The following ALB variants were observed in gnomAD, a reference collection of about 807,000 sequenced individuals.
ALB encodes serum albumin.
Under a neutral mutation model 74.5 loss-of-function variants are expected in ALB, and 37 were observed. That is an observed-to-expected ratio of 0.50 (90% CI 0.38 to 0.65). The LOEUF is 0.65. Ranked by LOEUF, ALB falls within the 30% of genes least tolerant of loss-of-function variation. The pLI is 0.00. For synonymous variants in ALB, 249 were observed against 251.6 expected (o/e 0.99, Z 0.10); for missense variants, 685 against 718.7 (o/e 0.95, Z 0.54).
intron 2 of ALB, among the ~76,000 whole-genome samples, 185 bp from the exon 3 acceptor site, chr4:73,406,444 T>C (rs1412841669): frequency 6.6e-6 from 1 of 152,218 alleles, no homozygotes; most frequent in Non-Finnish European, 1.5e-5. Context: ...TCTCTTTGCG[T>C]AGGAAGCCAC....
Position 73,418,213 on chromosome 4 carries a change from T to C in ALB, c.1554T>C (p.Asp518=). The C allele has an allele frequency of 1.2e-6, 2 of 1,614,178 alleles. No individual in the cohort carries two copies. Among genetic ancestry groups the C allele is most frequent in the Non-Finnish European group, 1.7e-6 (2 of 1,180,016 alleles). ...CATGCTTTTCAGCTCTGGAAGTCGA[T>C]GAAACATACGTTCCCAAAGAGTTTA... ...RRPCFSALEV[D]ETYVPKEFNA... The change falls in exon 12 of 15, where the codon GAT becomes GAC. Residue 518 remains aspartate, a synonymous_variant. Transcript: ENST00000295897.
At chr4:73,415,463 A>G in intron 9 of ALB, 1 of 334,164 alleles carries the variant, frequency 3.0e-6, no homozygotes, top group South Asian at 3.2e-5. Context: ...TGTTAATTAG[A>G]AGATATTTAA....
Position 73,413,669 on chromosome 4 carries a change from G to A in ALB, c.1058+35G>A, listed in dbSNP as rs1413755335. The A allele has an allele frequency of 5.6e-6, 9 of 1,600,314 alleles. No individual in the cohort carries two copies. In the African/African-American group the frequency reaches 1.1e-4, roughly 19 times the overall value. ...TAAGAAATTATTCTTTTATAGCTTT[G>A]GCATGACCTCACAACTTAGGAGGAT... On this transcript the variant is annotated intron_variant, in intron 8 of 14. Coordinates refer to ENST00000295897, the MANE Select transcript of ALB (RefSeq NM_000477.7).
chr4:73,420,428 C>A lies in ALB; in HGVS notation c.*23+107C>A, dbSNP rs1719115497. 7 of 682,662 alleles carry A rather than the reference C, an allele frequency of 1.0e-5. No homozygotes were observed. The South Asian group carries it at 1.3e-4, about 13-fold the overall frequency. 42.3% of individuals were successfully genotyped at this position (682,662 alleles called of 1,614,324 possible). On this transcript the variant is annotated intron_variant, in intron 14 of 14. Coordinates refer to ENST00000295897, the MANE Select transcript of ALB (RefSeq NM_000477.7). ...ATATAGACCAGCACCGACCACTATT[C>A]TAAACTATTTATGTATGTAAATATT...
chr4:73,419,642 A>C lies in ALB; in HGVS notation c.1785+3A>C. On this transcript the variant is annotated splice_donor_region_variant and intron_variant, in intron 13 of 14. Coordinates refer to ENST00000295897, the MANE Select transcript of ALB (RefSeq NM_000477.7). ...AGGAGACCTGCTTTGCCGAGGAGGTACTACAGTTCTCTTCATTTTAATATG... is the reference window on the plus strand; with the variant it reads ...AGGAGACCTGCTTTGCCGAGGAGGTCCTACAGTTCTCTTCATTTTAATATG... 6.2e-7 allele frequency: 1 copy of C among 1,613,972 alleles called. No individual in the cohort carries two copies. Among genetic ancestry groups the C allele is most frequent in the Non-Finnish European group, 8.5e-7 (1 of 1,179,882 alleles).
At chr4:73,415,856 A>T (rs1429150896) in intron 9 of ALB, among the ~76,000 whole-genome samples, 1 of 152,210 alleles carries the variant, frequency 6.6e-6, no homozygotes, top group Non-Finnish European at 1.5e-5. Flanking sequence ...TCATTTATTA[A>T]ACTTTTATTA....
chr4:73,413,778 A>C (rs1336717086), intron 8 of ALB, 144 bp downstream of exon 8: 3 of 777,136 alleles, frequency 3.9e-6, no homozygotes, highest in African/African-American at 1.7e-5. Flanking sequence ...GGCTTTAACA[A>C]TTTTTGAAAT....
At chr4:73,406,854 T>G (rs545416911) in intron 3 of ALB, 93 bp downstream of exon 3, 207 of 1,442,898 alleles carry the variant, frequency 1.4e-4, no homozygotes, top group Middle Eastern at 2.1e-4. Flanking sequence ...TCAATTATTA[T>G]TAAGTGTCCT....
intron 7 of ALB, 122 bp from the exon 8 acceptor site, chr4:73,413,298 A>G (rs1460452725): frequency 8.8e-6 from 8 of 913,820 alleles, no homozygotes; most frequent in Non-Finnish European, 8.7e-6. Context: ...GTATGTTCAT[A>G]GAAGGAATAT....
At position 73,420,925 on chromosome 4, in the gene ALB, G is replaced by T. The variant is rs369457781; in HGVS notation, c.*24-167G>T. 6.0e-4 allele frequency: 305 copies of T among 508,786 alleles called. 7 individuals are homozygous for T. The South Asian group carries it at 8.2e-3, about 14-fold the overall frequency. The allele number at this position is 508,786 out of a possible 1,614,324, so 31.5% of individuals were successfully genotyped here. On this transcript the variant is annotated intron_variant, in intron 14 of 14. Transcript: ENST00000295897. ...ATTTATTGGTGTGTCCCCTTGCCTAGCCCAACAGAAGAATTCAGCAGCCGT... is the reference window on the plus strand; with the variant it reads ...ATTTATTGGTGTGTCCCCTTGCCTATCCCAACAGAAGAATTCAGCAGCCGT...
intron 8 of ALB, 133 bp downstream of exon 8, chr4:73,413,767 A>G: frequency 1.2e-6 from 1 of 845,682 alleles, no homozygotes; most frequent in East Asian, 2.6e-5. Flanking sequence ...TCCCTTTCCC[A>G]GGCTTTAACA....
chr4:73,418,764 G>A (rs1286815168), intron 12 of ALB, among the ~76,000 whole-genome samples: 1 of 152,148 alleles, frequency 6.6e-6, no homozygotes, highest in African/African-American at 2.4e-5. Flanking sequence ...ATGTAGAAAT[G>A]CAAGCCCTGA....
chr4:73,405,101 T>A lies in ALB; in HGVS notation c.80-15T>A, dbSNP rs757112929. 26 of 1,612,382 alleles carry A rather than the reference T, an allele frequency of 1.6e-5. No homozygotes were observed. Among genetic ancestry groups the A allele is most frequent in the Middle Eastern group, 3.3e-4 (2 of 6,074 alleles). The stretch of plus-strand genomic sequence containing the variant: ...TTCAGTATTTAACAATCCTTTTTTT[T>A]CTTCCCTTGCCCAGACAAGAGTGAG... On this transcript the variant is annotated splice_polypyrimidine_tract_variant and intron_variant, in intron 1 of 14. Transcript: ENST00000295897.
chr4:73,410,838 A>T (rs1211907608), intron 6 of ALB, among the ~76,000 whole-genome samples: 1 of 152,208 alleles, frequency 6.6e-6, no homozygotes, highest in African/African-American at 2.4e-5. Flanking sequence ...ATATAAGTAT[A>T]CAACATATAT....
intron 7 of ALB, 105 bp from the exon 8 acceptor site, chr4:73,413,315 G>T: frequency 9.5e-7 from 1 of 1,052,536 alleles, no homozygotes; most frequent in Non-Finnish European, 1.5e-6. Context: ...ATATGTGTAT[G>T]GTCTTAGAAT....
At chr4:73,408,855 C>T in intron 4 of ALB, 50 bp downstream of exon 4, 1 of 1,466,434 alleles carries the variant, frequency 6.8e-7, no homozygotes. Flanking sequence ...TGGAGTAACT[C>T]CATAGGCCAA....
chr4:73,413,396 C>T, intron 7 of ALB, 24 bp from the exon 8 acceptor site: 1 of 1,594,922 alleles, frequency 6.3e-7, no homozygotes. Flanking sequence ...TCGTGTTGAA[C>T]AATTTCCACC....
At position 73,404,919 on chromosome 4, in the gene ALB, G is replaced by C. The variant is rs1015499048; in HGVS notation, c.80-197G>C. The C allele has an allele frequency of 8.2e-6, 5 of 608,360 alleles. No individual in the cohort carries two copies. The African/African-American group carries it at 9.3e-5, about 11-fold the overall frequency. The allele number at this position is 608,360 out of a possible 1,614,324, so 37.7% of individuals were successfully genotyped here. A position where few individuals can be genotyped will look rare whatever the true frequency, so the allele number is the denominator to read the frequency against. On this transcript the variant is annotated intron_variant, in intron 1 of 14. Coordinates refer to ENST00000295897, the MANE Select transcript of ALB (RefSeq NM_000477.7). ...TAATAATTTTTAAAATAGTATTCTTGGTAATTGAATTATTCTTCTGTTTAA... is the reference window on the plus strand; with the variant it reads ...TAATAATTTTTAAAATAGTATTCTTCGTAATTGAATTATTCTTCTGTTTAA...
In ALB at chr4:73,419,621, G is replaced by T. The variant is rs1377016643; in HGVS notation, c.1767G>T (p.Glu589Asp). 1.1e-5 allele frequency: 18 copies of T among 1,613,870 alleles called. No homozygotes were observed. Among genetic ancestry groups the T allele is most frequent in the South Asian group, 3.3e-5 (3 of 91,068 alleles). The change falls in exon 13 of 15, where the codon GAG becomes GAT. Residue 589 changes from glutamate (E) to aspartate (D), a missense_variant. Coordinates refer to ENST00000295897, the MANE Select transcript of ALB (RefSeq NM_000477.7). ...AGTGCTGCAAGGCTGACGATAAGGA[G>T]ACCTGCTTTGCCGAGGAGGTACTAC... ...VEKCCKADDK[E>D]TCFAEEGKKL... is the part of the protein sequence containing the mutation.
Sources: allele counts gnomAD v4.1 joint callset (sites outside exome capture counted in the v4.1 genomes callset), GRCh38; gene constraint gnomAD v4.1.1; transcripts MANE v1.5; gene names NCBI Gene and HGNC (gene_info 2026-07-23, HGNC 2026-07-21).